STK11: variants seen among roughly 807,000 people sequenced by gnomAD.
STK11 encodes the protein serine/threonine-protein kinase STK11.
A neutral mutation model predicts 47.3 loss-of-function variants in STK11; 8 were observed. The observed-to-expected ratio is 0.17, with a 90% CI of 0.10 to 0.31. The LOEUF (loss-of-function observed/expected upper bound fraction) is 0.31, where lower values mean the gene tolerates loss of function less well. Among genes scored for constraint, STK11 ranks in the 10% least tolerant of loss-of-function variants. STK11 has a pLI of 1.00. For synonymous variants in STK11, 330 were observed against 255.8 expected (o/e 1.29, Z -2.77); for missense variants, 475 against 605.0 (o/e 0.79, Z 2.25).
intron 1 of STK11, among the ~76,000 whole-genome samples, chr19:1,212,273 CTTTTTTTTTTTTTTT>C (rs775284754): frequency 6.7e-5 from 6 of 89,838 alleles, no homozygotes; most frequent in Middle Eastern, 6.2e-3. Context: ...TTCTTAACAC[CTTTTTTTTTTTTTTT>C]TTTTTTTTTT....
At chr19:1,226,125 G>T in intron 8 of STK11, 4 of 1,167,802 alleles carry the variant, frequency 3.4e-6, no homozygotes, top group Admixed American at 9.0e-5. Flanking sequence ...AGCACGGGAG[G>T]GTCCTGCCTT....
At position 1,221,935 on chromosome 19, in the gene STK11, C is replaced by T. The variant is rs756001994; in HGVS notation, c.863-14C>T. 3.3e-5 allele frequency: 51 copies of T among 1,551,914 alleles called. No homozygotes were observed. The highest frequency in any genetic ancestry group is 1.4e-4 in the African/African-American group (10 of 73,118). ...TGTGCCCAGCTGACAGGCTCCTCGC[C>T]GGCTTCTCCTCAGGGATGCTTGAGT... On this transcript the variant is annotated splice_polypyrimidine_tract_variant and intron_variant, in intron 6 of 9. Transcript: ENST00000326873.
Position 1,207,018 on chromosome 19 carries a change from C to A in STK11, c.105C>A (p.Ile35=), listed in dbSNP as rs1060503783. ...FIHRIDSTEV[I]YQPRRKRAKL... ...ACCGCATCGACTCCACCGAGGTCAT[C>A]TACCAGCCGCGCCGCAAGCGGGCCA... Residue 35 remains isoleucine, a synonymous_variant, in exon 1 of 10, where the codon ATC becomes ATA. Transcript: ENST00000326873. 1.9e-6 allele frequency: 3 copies of A among 1,613,794 alleles called. No homozygotes were observed. Among genetic ancestry groups the A allele is most frequent in the Non-Finnish European group, 2.5e-6 (3 of 1,179,868 alleles).
Position 1,226,657 on chromosome 19 carries a change from C to A in STK11, c.*10C>A, listed in dbSNP as rs2080824811. Reference sequence around the variant, plus strand: ...CTGCAAGCAGCAGTGAGGCTGGCCGCCTGCAGGTGGGGCGCGGCGGGGCCC... The same window carrying A: ...CTGCAAGCAGCAGTGAGGCTGGCCGACTGCAGGTGGGGCGCGGCGGGGCCC... On this transcript the variant is annotated 3_prime_UTR_variant, in exon 9 of 10. Coordinates refer to ENST00000326873, the MANE Select transcript of STK11 (RefSeq NM_000455.5). The A allele has an allele frequency of 2.0e-6, 3 of 1,511,660 alleles. No individual in the cohort carries two copies. The highest frequency in any genetic ancestry group is 2.6e-6 in the Non-Finnish European group (3 of 1,132,322). The allele number at this position is 1,511,660 out of a possible 1,614,324, so 93.6% of individuals were successfully genotyped here.
chr19:1,221,692 C>T, intron 6 of STK11: 1 of 593,996 alleles, frequency 1.7e-6, no homozygotes, highest in Non-Finnish European at 3.0e-6. Context: ...GTCCATCTGC[C>T]CAGTGGCCTT....
Position 1,226,538 on chromosome 19 carries a change from C to T in STK11, c.1193C>T (p.Ala398Val), listed in dbSNP as rs768058962. 4.0e-5 allele frequency: 64 copies of T among 1,605,318 alleles called. No homozygotes were observed. The highest frequency in any genetic ancestry group is 5.4e-5 in the Non-Finnish European group (63 of 1,177,064). ...KAVCMNGTEA[A>V]QLSTKSRAEG... ...GTGTGTATGAACGGCACAGAGGCGG[C>T]GCAGCTGAGCACCAAATCCAGGGCG... Residue 398 changes from alanine to valine, a missense_variant, in exon 9 of 10, where the codon GCG becomes GTG. Transcript: ENST00000326873.
At chr19:1,223,204 G>C (rs2080798501) in intron 8 of STK11, 32 bp downstream of exon 8, 1 of 1,591,782 alleles carries the variant, frequency 6.3e-7, no homozygotes, top group Admixed American at 1.7e-5. Flanking sequence ...GCCCGGCTCT[G>C]CTGACTCGGC....
In STK11 at chr19:1,228,054, T is replaced by G. The variant is rs1599934500; in HGVS notation, c.*478T>G. The G allele has an allele frequency of 9.4e-7, 1 of 1,065,510 alleles. No homozygotes were observed. Among genetic ancestry groups the G allele is most frequent in the East Asian group, 5.0e-5 (1 of 20,176 alleles). 66.0% of individuals were successfully genotyped at this position (1,065,510 alleles called of 1,614,324 possible). ...TTTGTTTGGTTGGTTCCATTTTCTT[T>G]TTTTCTTTTTTTTTTTAAGAAAAAA... On this transcript the variant is annotated 3_prime_UTR_variant, in exon 10 of 10. Transcript: ENST00000326873.
At position 1,221,252 on chromosome 19, in the gene STK11, C is replaced by T. The variant is rs2080781876; in HGVS notation, c.774C>T (p.Asp258=). 6.2e-7 allele frequency: 1 copy of T among 1,612,512 alleles called. No homozygotes were observed. Residue 258 remains aspartate (D), a synonymous_variant, in exon 6 of 10, where the codon GAC becomes GAT. Transcript: ENST00000326873. ...CGGGTCTGTACCCCTTCGAAGGGGA[C>T]AACATCTACAAGTTGTTTGAGAACA... ...ITTGLYPFEG[D]NIYKLFENIG...
chr19:1,227,728 G>A lies in STK11; in HGVS notation c.*152G>A, dbSNP rs1420487515. 1.8e-5 allele frequency: 19 copies of A among 1,071,470 alleles called. No individual in the cohort carries two copies. The highest frequency in any genetic ancestry group is 2.2e-5 in the Non-Finnish European group (19 of 883,216). 66.4% of individuals were successfully genotyped at this position (1,071,470 alleles called of 1,614,324 possible). ...CAGGACCTCCGGAGCGCCCTGCAGGGCCGGGCAGGGGGACAGCAGGGACCG... is the reference window on the plus strand; with the variant it reads ...CAGGACCTCCGGAGCGCCCTGCAGGACCGGGCAGGGGGACAGCAGGGACCG... On this transcript the variant is annotated 3_prime_UTR_variant, in exon 10 of 10. Transcript: ENST00000326873.
intron 1 of STK11, among the ~76,000 whole-genome samples, chr19:1,208,870 C>T (rs1172463118): frequency 1.3e-5 from 2 of 151,392 alleles, no homozygotes; most frequent in African/African-American, 4.9e-5. Context: ...ATCCACCTGC[C>T]TCAGCCTCCC....
At chr19:1,213,944 G>A (rs2145415356) in intron 1 of STK11, among the ~76,000 whole-genome samples, 1 of 152,326 alleles carries the variant, frequency 6.6e-6, no homozygotes, top group South Asian at 2.1e-4. Context: ...GAGGCTCCTA[G>A]CCCCACCTCT....
rs2145431441 is a variant in STK11, at chr19:1,223,154, C to A, written c.1090C>A (p.Gln364Lys). 6.2e-7 allele frequency: 1 copy of A among 1,611,532 alleles called. No individual in the cohort carries two copies. The highest frequency in any genetic ancestry group is 8.5e-7 in the Non-Finnish European group (1 of 1,179,442). The change falls in exon 8 of 10, where the codon CAG (glutamine) becomes AAG (lysine). Residue 364 changes from glutamine to lysine, a missense_variant. Transcript: ENST00000326873. ...FDIEDDIIYTQDFTVPGQVPE... is the reference protein window; with the variant it reads ...FDIEDDIIYTKDFTVPGQVPE... Reference sequence around the variant, plus strand: ...CATCGAGGATGACATCATCTACACTCAGGACTTCACGGTGCCCGGTGAGTC... The same window carrying A: ...CATCGAGGATGACATCATCTACACTAAGGACTTCACGGTGCCCGGTGAGTC...
chr19:1,207,969 A>C lies in STK11; in HGVS notation c.290+766A>C, dbSNP rs147463204. ...GCACTGGCCGGCCTGAGCCTCTCCC[A>C]GCTGGTGGGGGTGGCCGGGGGTGTC... On this transcript the variant is annotated intron_variant, in intron 1 of 9. Coordinates refer to ENST00000326873, the MANE Select transcript of STK11 (RefSeq NM_000455.5). Among the ~76,000 whole-genome samples, 653 of 152,338 alleles carry C rather than the reference A, an allele frequency of 4.3e-3. 4 individuals carry two copies. The highest frequency in any genetic ancestry group is 0.015 in the African/African-American group (610 of 41,584).
In STK11 at chr19:1,206,773, C is replaced by T. The variant is rs976884351; in HGVS notation, c.-141C>T. 66 of 1,115,380 alleles carry T rather than the reference C, an allele frequency of 5.9e-5. No homozygotes were observed. Among genetic ancestry groups the T allele is most frequent in the Non-Finnish European group, 7.7e-5 (62 of 808,174 alleles). 69.1% of individuals were successfully genotyped at this position (1,115,380 alleles called of 1,614,324 possible). ...GTTTCTGTTGGAAGAAGGGTTTTTC[C>T]CTTCCTTTTGGGGTTTTTGTTGCCT... is the stretch of plus-strand genomic sequence containing the variant. On this transcript the variant is annotated 5_prime_UTR_variant, in exon 1 of 10. Transcript: ENST00000326873.
intron 1 of STK11, among the ~76,000 whole-genome samples, chr19:1,207,782 G>C (rs533413754): frequency 2.6e-5 from 4 of 152,344 alleles, no homozygotes; most frequent in African/African-American, 9.6e-5. Context: ...AAGCATCCCT[G>C]GCCCCCGGGG....
In STK11 at chr19:1,218,399, C is replaced by T. The variant is rs1176351456; in HGVS notation, c.291-18C>T. 6.2e-6 allele frequency: 10 copies of T among 1,610,060 alleles called. No homozygotes were observed. In the African/African-American group the frequency reaches 9.3e-5, roughly 15 times the overall value. ...TGACGTTGGGTCGGCTGATACACCC[C>T]TGTCCTCTCTGTCCCAGGGAAATTC... On this transcript the variant is annotated intron_variant, in intron 1 of 9. Transcript: ENST00000326873.
Position 1,220,403 on chromosome 19 carries a change from G to A in STK11, c.495G>A (p.Glu165=), listed in dbSNP as rs370446299. The A allele has an allele frequency of 1.2e-6, 2 of 1,604,458 alleles. No individual in the cohort carries two copies. The highest frequency in any genetic ancestry group is 1.7e-6 in the Non-Finnish European group (2 of 1,176,112). Residue 165 remains glutamate, a synonymous_variant, in exon 4 of 10, where the codon GAG becomes GAA. Coordinates refer to ENST00000326873, the MANE Select transcript of STK11 (RefSeq NM_000455.5). ...GYFCQLIDGL[E]YLHSQGIVHK... ...TCTGTCAGCTGATTGACGGCCTGGA[G>A]TACCTGCATAGCCAGGGCATTGTGC...
rs1060499957 is a variant in STK11, at chr19:1,218,425, A to G, written c.299A>G (p.Gln100Arg). ...TGTCCTCTCTGTCCCAGGGAAATTCAACTACTGAGGAGGTTACGGCACAAA... is the reference window on the plus strand; with the variant it reads ...TGTCCTCTCTGTCCCAGGGAAATTCGACTACTGAGGAGGTTACGGCACAAA... Reference protein sequence around the residue: ...NGEANVKKEIQLLRRLRHKNV... With the variant: ...NGEANVKKEIRLLRRLRHKNV... The change falls in exon 2 of 10, where the codon CAA becomes CGA. Residue 100 changes from glutamine (Q) to arginine (R), a missense_variant. Coordinates refer to ENST00000326873, the MANE Select transcript of STK11 (RefSeq NM_000455.5). 1.8e-5 allele frequency: 29 copies of G among 1,613,400 alleles called. No homozygotes were observed. Among genetic ancestry groups the G allele is most frequent in the Non-Finnish European group, 2.5e-5 (29 of 1,179,698 alleles).
Sources: gnomAD v4.1 joint callset for allele counts (sites outside exome capture counted in the v4.1 genomes callset) on GRCh38, gnomAD v4.1.1 for gene constraint, MANE v1.5 for transcripts, NCBI Gene and HGNC (gene_info 2026-07-23, HGNC 2026-07-21) for gene names.